NRCAM: variants seen among roughly 807,000 people sequenced by gnomAD.
NRCAM encodes neuronal cell adhesion molecule.
NRCAM carries 83 observed loss-of-function variants against 156.5 expected under a neutral mutation model. The ratio of observed to expected loss-of-function variants is 0.53; its 90% CI spans 0.44 to 0.64. The LOEUF (loss-of-function observed/expected upper bound fraction) is 0.64, where lower values mean the gene tolerates loss of function less well. Ranked by LOEUF, NRCAM falls within the 30% of genes least tolerant of loss-of-function variation. The probability of loss-of-function intolerance (pLI) is 0.00; values close to 1 mark genes in which losing one functional copy is unlikely to be tolerated. For synonymous variants in NRCAM, 538 were observed against 563.9 expected (o/e 0.95, Z 0.65); for missense variants, 1,417 against 1,597.3 (o/e 0.89, Z 1.92).
chr7:108,200,683 T>G (rs555104228), intron 13 of NRCAM, among the ~76,000 whole-genome samples: 1 of 150,128 alleles, frequency 6.7e-6, no homozygotes, highest in East Asian at 2.0e-4. Context: ...AATTCGCAAT[T>G]GCAAAAATAT....
At chr7:108,152,161 C>G (rs888318098) in intron 32 of NRCAM, among the ~76,000 whole-genome samples, 6 of 152,018 alleles carry the variant, frequency 3.9e-5, no homozygotes, top group Admixed American at 3.9e-4. Flanking sequence ...AGGATTAGCA[C>G]TATGCAAAGT....
intron 1 of NRCAM, among the ~76,000 whole-genome samples, chr7:108,411,430 A>G (rs554106837): frequency 6.5e-4 from 99 of 152,284 alleles, no homozygotes; most frequent in Non-Finnish European, 1.3e-3. Context: ...TTGTTTCTCT[A>G]TAACTGGGTT....
chr7:108,274,334 T>G (rs888220538), intron 3 of NRCAM, among the ~76,000 whole-genome samples: 1 of 152,220 alleles, frequency 6.6e-6, no homozygotes, highest in Non-Finnish European at 1.5e-5. Context: ...TTGGGCAGTA[T>G]GGCTATTTTC....
At chr7:108,188,380 T>C (rs1464089491) in intron 20 of NRCAM, among the ~76,000 whole-genome samples, 1 of 15,174 alleles carries the variant, frequency 6.6e-5, no homozygotes, top group Non-Finnish European at 1.8e-4. Flanking sequence ...CTGAGTCCTC[T>C]GTGTGTGTGT....
Position 108,187,538 on chromosome 7 carries a change from CAT to C in NRCAM, c.2035+2105_2035+2106del, listed in dbSNP as rs373848472. Among the ~76,000 whole-genome samples, 288 of 152,332 alleles carry C rather than the reference CAT, an allele frequency of 1.9e-3. 1 individual carries two copies. Among genetic ancestry groups the C allele is most frequent in the African/African-American group, 6.3e-3 (260 of 41,574 alleles). On this transcript the variant is annotated intron_variant, in intron 20 of 32. Coordinates refer to ENST00000379028, the MANE Select transcript of NRCAM (RefSeq NM_001037132.4). ...ATTCACAATTATACCCCTAGCTCCACATGTCTTTCTGCTGATTTGTTTTTTGC... is the reference window on the plus strand; with the variant it reads ...ATTCACAATTATACCCCTAGCTCCACGTCTTTCTGCTGATTTGTTTTTTGC...
At chr7:108,279,641 C>A (rs1222081287) in intron 3 of NRCAM, among the ~76,000 whole-genome samples, 1 of 136,456 alleles carries the variant, frequency 7.3e-6, no homozygotes, top group East Asian at 2.7e-4. Flanking sequence ...GCCCTCCCCA[C>A]CCACCCCACC....
intron 28 of NRCAM, among the ~76,000 whole-genome samples, chr7:108,174,027 C>T (rs2059538732): frequency 6.6e-6 from 1 of 152,078 alleles, no homozygotes; most frequent in East Asian, 1.9e-4. Flanking sequence ...GAAACAAGGC[C>T]AGGCTTTTAG....
chr7:108,313,675 C>G (rs1320336266), intron 2 of NRCAM, among the ~76,000 whole-genome samples: 1 of 152,018 alleles, frequency 6.6e-6, no homozygotes, highest in Non-Finnish European at 1.5e-5. Context: ...ATAAAACCAC[C>G]CTTAATAGAT....
intron 28 of NRCAM, among the ~76,000 whole-genome samples, chr7:108,172,776 T>C (rs77615813): frequency 0.076 from 11,626 of 152,198 alleles, 787 homozygotes; most frequent in African/African-American, 0.18. Flanking sequence ...ATATAGTTAA[T>C]TGAATTATCC....
intron 11 of NRCAM, among the ~76,000 whole-genome samples, chr7:108,210,545 C>T (rs952653451): frequency 5.3e-5 from 8 of 152,110 alleles, no homozygotes; most frequent in African/African-American, 1.9e-4. Context: ...CGCGCCTGGT[C>T]CCAACTGTGT....
intron 17 of NRCAM, among the ~76,000 whole-genome samples, 195 bp from the exon 18 acceptor site, chr7:108,192,048 G>T (rs1478611381): frequency 6.6e-6 from 1 of 152,224 alleles, no homozygotes; most frequent in Non-Finnish European, 1.5e-5. Flanking sequence ...AGAATATTGG[G>T]TTAGAAGGGA....
intron 3 of NRCAM, among the ~76,000 whole-genome samples, chr7:108,255,824 T>C (rs1455013038): frequency 6.9e-6 from 1 of 144,640 alleles, no homozygotes; most frequent in Non-Finnish European, 1.5e-5. Context: ...GGCTGCCCCC[T>C]CTGAGAAGTG....
At chr7:108,178,398 G>T in intron 25 of NRCAM, 1 of 451,832 alleles carries the variant, frequency 2.2e-6, no homozygotes, top group Non-Finnish European at 4.2e-6. Context: ...AAAAGAGGCA[G>T]TACTTGTTTG....
chr7:108,450,095 G>A (rs145336981), intron 1 of NRCAM, among the ~76,000 whole-genome samples: 21 of 152,176 alleles, frequency 1.4e-4, no homozygotes, highest in African/African-American at 4.8e-4. Flanking sequence ...TCATTCTCAT[G>A]TGAATTAAAC....
chr7:108,187,236 C>T (rs2067443425), intron 20 of NRCAM, among the ~76,000 whole-genome samples: 1 of 152,150 alleles, frequency 6.6e-6, no homozygotes, highest in Non-Finnish European at 1.5e-5. Flanking sequence ...TTCACAGTGG[C>T]CTACAGGACC....
chr7:108,408,218 C>A (rs1790915304), intron 1 of NRCAM, among the ~76,000 whole-genome samples: 1 of 152,090 alleles, frequency 6.6e-6, no homozygotes, highest in Admixed American at 6.6e-5. Flanking sequence ...AGGTACTATG[C>A]TAGGTAGCAC....
rs528532603 is a variant in NRCAM at position 108,148,715 on chromosome 7, T to C, written c.*1195A>G. ...ATAGGTAAAGTCTTGGAGAATAATA[T>C]ATTACTGTTGGCATGCTGTTGTATG... On this transcript the variant is annotated 3_prime_UTR_variant, in exon 33 of 33. Transcript: ENST00000379028. 3.3e-5 allele frequency: 5 copies of C among 152,776 alleles called. No individual in the cohort carries two copies. The South Asian group carries it at 8.3e-4, about 25-fold the overall frequency. 9.5% of individuals were successfully genotyped at this position (152,776 alleles called of 1,614,324 possible).
chr7:108,373,987 A>G (rs1485055870), intron 2 of NRCAM, among the ~76,000 whole-genome samples: 1 of 152,316 alleles, frequency 6.6e-6, no homozygotes, highest in Admixed American at 6.5e-5. Flanking sequence ...CAGCAGAGAA[A>G]AACACAGCCA....
intron 2 of NRCAM, among the ~76,000 whole-genome samples, chr7:108,336,747 G>A (rs2099197249): frequency 6.6e-6 from 1 of 152,014 alleles, no homozygotes; most frequent in Non-Finnish European, 1.5e-5. Flanking sequence ...ACAACTGAAT[G>A]TAAAAATTAT....
Sources: gnomAD v4.1 joint callset for allele counts (sites outside exome capture counted in the v4.1 genomes callset) on GRCh38, gnomAD v4.1.1 for gene constraint, MANE v1.5 for transcripts, NCBI Gene and HGNC (gene_info 2026-07-23, HGNC 2026-07-21) for gene names.